CCDC30: variants seen among roughly 807,000 people sequenced by gnomAD.
CCDC30 encodes coiled-coil domain containing 30.
A neutral mutation model predicts 100.2 loss-of-function variants in CCDC30; 70 were observed. That is an observed-to-expected ratio of 0.70 (90% CI 0.58 to 0.85). The LOEUF (loss-of-function observed/expected upper bound fraction) is 0.85. CCDC30 is among the 40% of genes least tolerant of loss of function. The probability of loss-of-function intolerance (pLI) is 0.00; values close to 1 mark genes in which losing one functional copy is unlikely to be tolerated. For synonymous variants in CCDC30, 233 were observed against 269.5 expected, an observed-to-expected ratio of 0.86 and a Z score of 1.33; for missense variants, 652 against 771.2, an observed-to-expected ratio of 0.85 and a Z score of 1.83.
chr1:42,650,075 G>A (rs12742569), intron 15 of CCDC30, among the ~76,000 whole-genome samples: 6,317 of 152,070 alleles, frequency 0.042, 200 homozygotes, highest in Non-Finnish European at 0.063. Flanking sequence ...GTCATTTTTC[G>A]TAGAAATAGA....
At chr1:42,486,885 G>T (rs548058853) in intron 3 of CCDC30, among the ~76,000 whole-genome samples, 6 of 152,248 alleles carry the variant, frequency 3.9e-5, no homozygotes, top group Admixed American at 2.6e-4. Flanking sequence ...TCAAAAACAA[G>T]CTAAGTAAAA....
At chr1:42,642,725 C>T (rs1021691583) in intron 13 of CCDC30, 116 bp downstream of exon 17, 1 of 996,560 alleles carries the variant, frequency 1.0e-6, no homozygotes, top group Non-Finnish European at 1.4e-6. Context: ...ATGACTCTCG[C>T]TCCGCTGTCT....
At chr1:42,603,271 G>A (rs1160371560) in intron 10 of CCDC30, among the ~76,000 whole-genome samples, 1 of 152,164 alleles carries the variant, frequency 6.6e-6, no homozygotes, top group Admixed American at 6.6e-5. Flanking sequence ...GGATAAAAGG[G>A]TAAGAGGATG....
the CCDC30 span, chr1:42,456,293 G>C: frequency 3.4e-6 from 2 of 594,670 alleles, no homozygotes; most frequent in African/African-American, 3.7e-5. Flanking sequence ...AACATGGCCA[G>C]TTCTTCACCC....
At chr1:42,613,503 C>G (rs1646666077) in intron 11 of CCDC30, among the ~76,000 whole-genome samples, 1 of 152,174 alleles carries the variant, frequency 6.6e-6, no homozygotes, top group South Asian at 2.1e-4. Context: ...ATCCACCCGC[C>G]TCGGCCTCCC....
At chr1:42,471,452 T>C (rs1443747684) in intron 1 of CCDC30, among the ~76,000 whole-genome samples, 3 of 152,356 alleles carry the variant, frequency 2.0e-5, no homozygotes, top group Non-Finnish European at 2.9e-5. Context: ...TCTTTGTGTG[T>C]CTGGTGTTTA....
chr1:42,481,996 A>G (rs1643967056), intron 2 of CCDC30, among the ~76,000 whole-genome samples: 1 of 152,070 alleles, frequency 6.6e-6, no homozygotes, highest in Admixed American at 6.5e-5. Flanking sequence ...AGGTGGGTGG[A>G]TCACGAGGTC....
chr1:42,542,456 C>G (rs1645029502), intron 6 of CCDC30, among the ~76,000 whole-genome samples: 1 of 151,950 alleles, frequency 6.6e-6, no homozygotes, highest in Admixed American at 6.6e-5. Flanking sequence ...CCCTCCTGGC[C>G]TCAGGTGATT....
In CCDC30 at chr1:42,632,171, C is replaced by G. The variant is rs539989794; in HGVS notation, c.1278-5066C>G. ...CTGCTGGTTACTCAGGGTCCAAGGG[C>G]TCTTCAGTTAGCAGATGATGAATCT... On this transcript the variant is annotated intron_variant, in intron 11 of 16. Coordinates refer to ENST00000668663, the Ensembl canonical transcript of CCDC30. 1.1e-4 allele frequency among the ~76,000 whole-genome samples: 16 copies of G among 152,252 alleles called. No individual in the cohort carries two copies. In the South Asian group the frequency reaches 2.5e-3, roughly 24 times the overall value.
chr1:42,508,737 C>T (rs1644433256), intron 6 of CCDC30, among the ~76,000 whole-genome samples: 1 of 151,964 alleles, frequency 6.6e-6, no homozygotes, highest in African/African-American at 2.4e-5. Context: ...AAGTCCCAGA[C>T]TACCAGAAGT....
At chr1:42,462,640 G>C (rs1001781918), upstream of CCDC30, among the ~76,000 whole-genome samples, 1 of 152,154 alleles carries the variant, frequency 6.6e-6, no homozygotes, top group African/African-American at 2.4e-5. Context: ...CTAGAATTTT[G>C]CAATAAGAGC....
chr1:42,553,194 T>G (rs1645289956), intron 6 of CCDC30, among the ~76,000 whole-genome samples: 2 of 151,342 alleles, frequency 1.3e-5, no homozygotes, highest in South Asian at 2.1e-4. Flanking sequence ...GACTTTTTTG[T>G]TTTTTTTTTG....
At chr1:42,503,930 A>G (rs1644358840) in intron 6 of CCDC30, among the ~76,000 whole-genome samples, 1 of 152,152 alleles carries the variant, frequency 6.6e-6, no homozygotes, top group African/African-American at 2.4e-5. Flanking sequence ...CACACACAGA[A>G]ATATAGAGGT....
intron 1 of CCDC30, among the ~76,000 whole-genome samples, chr1:42,472,228 G>A (rs1309143482): frequency 2.0e-5 from 3 of 152,110 alleles, no homozygotes; most frequent in Admixed American, 6.5e-5. Context: ...ACTCCAGCCT[G>A]GGCAACAGAG....
intron 10 of CCDC30, among the ~76,000 whole-genome samples, chr1:42,609,731 G>GA (rs1312988592): frequency 3.9e-5 from 6 of 152,188 alleles, no homozygotes; most frequent in African/African-American, 1.4e-4. Flanking sequence ...AGGACTATAG[G>GA]CATCCCCTTA....
chr1:42,542,533 A>ATTTTTC, intron 6 of CCDC30, among the ~76,000 whole-genome samples: 1 of 100,848 alleles, frequency 9.9e-6, no homozygotes, highest in African/African-American at 4.0e-5. Flanking sequence ...CTAATTTTAA[A>ATTTTTC]TTTTTCTTTT....
intron 6 of CCDC30, among the ~76,000 whole-genome samples, chr1:42,514,790 A>T (rs1644530059): frequency 6.6e-6 from 1 of 152,120 alleles, no homozygotes; most frequent in Admixed American, 6.6e-5. Context: ...AGTAGCTGAG[A>T]TTATAGGCAC....
intron 6 of CCDC30, among the ~76,000 whole-genome samples, chr1:42,559,654 G>A (rs1645446208): frequency 6.6e-6 from 1 of 152,152 alleles, no homozygotes; most frequent in Non-Finnish European, 1.5e-5. Context: ...CAAGTTCTTA[G>A]AGACCTACAA....
intron 14 of CCDC30, 139 bp from the exon 19 acceptor site, chr1:42,645,996 T>C (rs930557674): frequency 8.4e-7 from 1 of 1,192,618 alleles, no homozygotes; most frequent in Non-Finnish European, 1.1e-6. Flanking sequence ...ATTGTTAACC[T>C]TGAATGAAGA....
Sources: gnomAD v4.1 joint callset for allele counts (sites outside exome capture counted in the v4.1 genomes callset) on GRCh38, gnomAD v4.1.1 for gene constraint, MANE v1.5 for transcripts, NCBI Gene and HGNC (gene_info 2026-07-23, HGNC 2026-07-21) for gene names.